Variants in EYS observed in about 807,000 individuals in gnomAD.
EYS encodes the protein EGF-like photoreceptor maintenance factor.
A neutral mutation model predicts 282.1 loss-of-function variants in EYS; 250 were observed. The observed-to-expected ratio is 0.89, with a 90% CI of 0.80 to 0.98. The LOEUF (loss-of-function observed/expected upper bound fraction) is 0.98, where lower values mean the gene tolerates loss of function less well. Among genes scored for constraint, EYS ranks in the 50% least tolerant of loss-of-function variants. EYS has a pLI of 0.00. For synonymous variants in EYS, 1,355 were observed against 1,282.9 expected, an observed-to-expected ratio of 1.06 and a Z score of -1.20; for missense variants, 4,016 against 3,709.0, an observed-to-expected ratio of 1.08 and a Z score of -2.15.
At chr6:63,850,625 T>G (rs767321375) in intron 36 of EYS, among the ~76,000 whole-genome samples, 31 of 152,110 alleles carry the variant, frequency 2.0e-4, no homozygotes, top group Non-Finnish European at 4.0e-4. Context: ...AAGCAAATGT[T>G]GAGGGATTTT....
intron 35 of EYS, among the ~76,000 whole-genome samples, chr6:63,873,335 TCC>T (rs1772867608): frequency 6.6e-6 from 1 of 152,180 alleles, no homozygotes; most frequent in Non-Finnish European, 1.5e-5. Context: ...CATGAACTCA[TCC>T]TTTTTTATGG....
intron 19 of EYS, among the ~76,000 whole-genome samples, chr6:64,838,926 A>G (rs538537241): frequency 2.0e-5 from 3 of 152,168 alleles, no homozygotes; most frequent in East Asian, 3.9e-4. Context: ...CTGCAGCTCC[A>G]TGGTAAATTG....
chr6:65,151,021 G>A (rs1764598992), intron 12 of EYS, among the ~76,000 whole-genome samples: 1 of 151,896 alleles, frequency 6.6e-6, no homozygotes, highest in African/African-American at 2.4e-5. Context: ...TGTTTCTTGA[G>A]TTTACAATAT....
intron 19 of EYS, among the ~76,000 whole-genome samples, chr6:64,847,978 G>A (rs9363272): frequency 0.87 from 131,964 of 151,998 alleles, 57,366 homozygotes; most frequent in African/African-American, 0.9. Context: ...CTGAATATGT[G>A]TGCCATTCTG....
chr6:65,609,564 C>T (rs1358773807), intron 2 of EYS, among the ~76,000 whole-genome samples: 1 of 151,898 alleles, frequency 6.6e-6, no homozygotes, highest in African/African-American at 2.4e-5. Context: ...CTTTTTATTT[C>T]CTTTATTGCA....
intron 2 of EYS, among the ~76,000 whole-genome samples, chr6:65,536,802 A>G (rs561705771): frequency 6.6e-6 from 1 of 152,294 alleles, no homozygotes; most frequent in South Asian, 2.1e-4. Context: ...TGTGGGCAGA[A>G]AGACTCAATA....
intron 22 of EYS, among the ~76,000 whole-genome samples, chr6:64,668,399 G>T (rs1769311712): frequency 6.6e-6 from 1 of 151,930 alleles, no homozygotes; most frequent in Non-Finnish European, 1.5e-5. Flanking sequence ...CATTGGAAAA[G>T]GTCAAAATAA....
At chr6:64,030,676 C>T (rs921639663) in intron 33 of EYS, among the ~76,000 whole-genome samples, 4 of 152,162 alleles carry the variant, frequency 2.6e-5, no homozygotes, top group Non-Finnish European at 5.9e-5. Context: ...TTCTAGGTCC[C>T]GTGTCAGCCA....
intron 35 of EYS, among the ~76,000 whole-genome samples, chr6:63,868,901 A>G (rs925886154): frequency 1.3e-5 from 2 of 152,218 alleles, no homozygotes; most frequent in African/African-American, 4.8e-5. Flanking sequence ...GTCTGTTTCT[A>G]GGACAGAACT....
chr6:64,689,721 T>C (rs1477672971), intron 22 of EYS, among the ~76,000 whole-genome samples: 1 of 152,136 alleles, frequency 6.6e-6, no homozygotes, highest in African/African-American at 2.4e-5. Context: ...AAACAAGCAA[T>C]GGGGAAAGGA....
chr6:64,394,942 AC>A (rs1396541447), intron 28 of EYS, among the ~76,000 whole-genome samples: 3 of 152,174 alleles, frequency 2.0e-5, no homozygotes, highest in Non-Finnish European at 4.4e-5. Context: ...CAAGAAAAAA[AC>A]AAACAACCCC....
intron 2 of EYS, among the ~76,000 whole-genome samples, chr6:65,519,708 ATTTTT>A (rs59743261): frequency 1.9e-4 from 8 of 42,554 alleles, no homozygotes; most frequent in Non-Finnish European, 2.6e-4. Flanking sequence ...ATATATATAT[ATTTTT>A]TTTTTTTTTT....
chr6:64,049,916 A>AAATTC (rs2149843391), intron 33 of EYS, among the ~76,000 whole-genome samples: 1 of 152,260 alleles, frequency 6.6e-6, no homozygotes, highest in African/African-American at 2.4e-5. Flanking sequence ...AGGTGGGTGG[A>AAATTC]AATTCAACTC....
At chr6:65,539,313 G>T (rs951749336) in intron 2 of EYS, among the ~76,000 whole-genome samples, 1 of 152,090 alleles carries the variant, frequency 6.6e-6, no homozygotes, top group African/African-American at 2.4e-5. Context: ...TGCCATCTTT[G>T]TTCCTTACTT....
chr6:64,217,487 C>T (rs1308181981), intron 31 of EYS, among the ~76,000 whole-genome samples: 2 of 152,104 alleles, frequency 1.3e-5, no homozygotes, highest in East Asian at 3.9e-4. Flanking sequence ...TGAGATCAGG[C>T]CCCTGCACTG....
intron 12 of EYS, among the ~76,000 whole-genome samples, chr6:65,206,730 C>G (rs894652871): frequency 1.3e-5 from 2 of 151,764 alleles, no homozygotes; most frequent in Admixed American, 1.3e-4. Flanking sequence ...ATTTGCAAAT[C>G]AATGAATGTG....
intron 22 of EYS, among the ~76,000 whole-genome samples, chr6:64,739,914 C>T (rs973713350): frequency 2.0e-5 from 3 of 151,966 alleles, no homozygotes; most frequent in African/African-American, 7.3e-5. Flanking sequence ...TGTTTTTAAA[C>T]TCTTATTTTA....
chr6:63,930,896 C>T (rs183119556), intron 35 of EYS, among the ~76,000 whole-genome samples: 48 of 152,274 alleles, frequency 3.2e-4, no homozygotes, highest in African/African-American at 1.1e-3. Flanking sequence ...CATAAACACC[C>T]TTGATGATCA....
intron 12 of EYS, among the ~76,000 whole-genome samples, chr6:65,262,812 G>T (rs986558352): frequency 2.6e-5 from 4 of 151,946 alleles, no homozygotes; most frequent in Admixed American, 1.3e-4. Context: ...ACCTTTAAAA[G>T]ATTTTAAGGG....
Sources: allele counts gnomAD v4.1 joint callset (sites outside exome capture counted in the v4.1 genomes callset), GRCh38; gene constraint gnomAD v4.1.1; transcripts MANE v1.5; gene names NCBI Gene and HGNC (gene_info 2026-07-23, HGNC 2026-07-21).